The following MED13L variants were observed in gnomAD, a reference collection of about 807,000 sequenced individuals.
MED13L encodes mediator of RNA polymerase II transcription subunit 13-like.
MED13L carries 7 observed loss-of-function variants against 220.9 expected under a neutral mutation model. The observed-to-expected ratio is 0.03, with a 90% confidence interval of 0.02 to 0.06. The LOEUF is 0.06. Among genes scored for constraint, MED13L ranks in the 10% least tolerant of loss-of-function variants. The pLI, the probability that MED13L is intolerant of heterozygous loss-of-function variation, is 1.00. For synonymous variants in MED13L, 1,011 were observed against 1,015.2 expected (o/e 1.00, Z 0.08); for missense variants, 1,965 against 2,760.5 (o/e 0.71, Z 6.46).
intron 13 of MED13L, 23 bp downstream of exon 13, chr12:116,005,846 T>C: frequency 6.2e-7 from 1 of 1,613,534 alleles, no homozygotes; most frequent in African/African-American, 1.3e-5. Flanking sequence ...AAATTTTTGT[T>C]TATGTAGCTA....
At chr12:116,196,890 CAT>C (rs1274986792) in intron 2 of MED13L, among the ~76,000 whole-genome samples, 1 of 152,158 alleles carries the variant, frequency 6.6e-6, no homozygotes, top group African/African-American at 2.4e-5. Context: ...ATTAGACAGA[CAT>C]GTCTTCAAAA....
chr12:115,961,426 G>A (rs377091317), intron 30 of MED13L, 28 bp from the exon 31 acceptor site: 174 of 1,612,546 alleles, frequency 1.1e-4, no homozygotes, highest in Non-Finnish European at 1.3e-4. Context: ...CAGAGCAGGG[G>A]CGTGAGCCTC....
At chr12:116,151,786 G>C (rs891415801) in intron 2 of MED13L, among the ~76,000 whole-genome samples, 1 of 152,102 alleles carries the variant, frequency 6.6e-6, no homozygotes, top group African/African-American at 2.4e-5. Flanking sequence ...AAAGACAGAG[G>C]GGCAAAAGGT....
At chr12:115,969,350 A>C (rs923784684) in intron 27 of MED13L, among the ~76,000 whole-genome samples, 3 of 152,186 alleles carry the variant, frequency 2.0e-5, no homozygotes, top group Admixed American at 2.0e-4. Context: ...ATAACATAAA[A>C]ACCTACACTC....
intron 1 of MED13L, among the ~76,000 whole-genome samples, chr12:116,259,029 T>G (rs1872291604): frequency 2.6e-5 from 4 of 150,954 alleles, no homozygotes; most frequent in African/African-American, 9.8e-5. Context: ...AACTGACACA[T>G]CTTTTTAAAC....
At chr12:116,124,540 A>G (rs1875414767) in intron 2 of MED13L, among the ~76,000 whole-genome samples, 1 of 152,156 alleles carries the variant, frequency 6.6e-6, no homozygotes, top group South Asian at 2.1e-4. Context: ...CTAGATAATA[A>G]TTTGTTTTCC....
intron 1 of MED13L, among the ~76,000 whole-genome samples, chr12:116,272,982 T>C (rs774112205): frequency 1.3e-5 from 2 of 152,136 alleles, no homozygotes; most frequent in Non-Finnish European, 2.9e-5. Flanking sequence ...ACCGAAAACA[T>C]ACATTAACAA....
At chr12:116,009,365 T>C (rs1345299435) in intron 9 of MED13L, among the ~76,000 whole-genome samples, 3 of 152,128 alleles carry the variant, frequency 2.0e-5, no homozygotes, top group Non-Finnish European at 2.9e-5. Flanking sequence ...GTAAGGTACA[T>C]TGCTAATCCC....
chr12:116,274,429 A>AC (rs1873647446), intron 1 of MED13L, among the ~76,000 whole-genome samples: 1 of 151,302 alleles, frequency 6.6e-6, no homozygotes, highest in African/African-American at 2.4e-5. Flanking sequence ...CAAAACAAAA[A>AC]AAAAAAAAAC....
intron 2 of MED13L, among the ~76,000 whole-genome samples, chr12:116,173,850 G>A (rs1388180801): frequency 6.6e-6 from 1 of 152,162 alleles, no homozygotes; most frequent in Non-Finnish European, 1.5e-5. Context: ...TGTTAAATCT[G>A]AGCTTTGGGA....
chr12:116,014,716 T>C (rs576308078), intron 8 of MED13L, among the ~76,000 whole-genome samples: 12 of 152,198 alleles, frequency 7.9e-5, no homozygotes, highest in African/African-American at 2.2e-4. Context: ...CTGTATACAA[T>C]AGTAAATCAG....
chr12:116,176,463 GAA>G (rs1034299173), intron 2 of MED13L, among the ~76,000 whole-genome samples: 1 of 152,024 alleles, frequency 6.6e-6, no homozygotes, highest in Non-Finnish European at 1.5e-5. Flanking sequence ...GAGTAGCAAA[GAA>G]AAAGGGTGAA....
At position 116,096,354 on chromosome 12, in the gene MED13L, C is replaced by CAAAAAAAAAAAA. The variant is rs537207957; in HGVS notation, c.479+303_479+314dup. 6.3e-3 allele frequency among the ~76,000 whole-genome samples: 148 copies of CAAAAAAAAAAAA among 23,558 alleles called. 14 individuals are homozygous for CAAAAAAAAAAAA. Among genetic ancestry groups the CAAAAAAAAAAAA allele is most frequent in the East Asian group, 0.02 (10 of 490 alleles). 15.5% of individuals were successfully genotyped at this position (23,558 alleles called of 152,430 possible). A position where few individuals can be genotyped will look rare whatever the true frequency, so the allele number is the denominator to read the frequency against. On this transcript the variant is annotated intron_variant, in intron 4 of 30. Transcript: ENST00000281928. ...TGGGTGACAGAGTGAGACACAGCCTCAAAAAAAAAAAAAAAAAAAAAAAAA... is the reference window on the plus strand; with the variant it reads ...TGGGTGACAGAGTGAGACACAGCCTCAAAAAAAAAAAAAAAAAAAAAAAAAAAAAAAAAAAAA...
chr12:115,996,666 G>A lies in MED13L; in HGVS notation c.2806C>T (p.His936Tyr). 1 of 1,613,884 alleles carries A rather than the reference G, an allele frequency of 6.2e-7. No homozygotes were observed. ...PEEIKDFSYV[H>Y]KVPSFQPFVG... ...AAAGGTTGAAAGGATGGAACTTTGT[G>A]CACATATGAAAAGTCCTGTGACAAC... The change falls in exon 16 of 31, where the codon CAC becomes TAC. Residue 936 changes from histidine to tyrosine, a missense_variant. Around this residue, in one of 10 missense-constraint regions of MED13L, gnomAD observed 233 missense variants for 306.2 expected, o/e 0.76. Transcript: ENST00000281928.
chr12:116,041,418 A>G (rs1233237718), intron 4 of MED13L, among the ~76,000 whole-genome samples: 1 of 152,214 alleles, frequency 6.6e-6, no homozygotes, highest in Admixed American at 6.5e-5. Flanking sequence ...GTAGTTCTTT[A>G]TAGCAGTGCG....
At position 115,997,010 on chromosome 12, in the gene MED13L, C is replaced by T; in HGVS notation, c.2790G>A (p.Lys930=). The T allele has an allele frequency of 6.2e-7, 1 of 1,611,948 alleles. No individual in the cohort carries two copies. The highest frequency in any genetic ancestry group is 8.5e-7 in the Non-Finnish European group (1 of 1,178,048). The change falls in exon 15 of 31, where the codon AAG becomes AAA. Residue 930 remains lysine (K), a splice_region_variant and synonymous_variant. Transcript: ENST00000281928. ...GAAATGTTAATATATTGACAACTAC[C>T]TTAATTTCCTCGGGCTTGGGACTTC... ...GLGSPKPEEI[K]DFSYVHKVPS...
At chr12:116,072,309 T>C (rs1017780442) in intron 4 of MED13L, among the ~76,000 whole-genome samples, 3 of 152,248 alleles carry the variant, frequency 2.0e-5, no homozygotes, top group Admixed American at 1.3e-4. Context: ...CCTGGTTTTC[T>C]TGATGAACAA....
chr12:116,047,097 C>T (rs1223777293), intron 4 of MED13L, among the ~76,000 whole-genome samples: 1 of 152,198 alleles, frequency 6.6e-6, no homozygotes, highest in Admixed American at 6.5e-5. Flanking sequence ...TGCCTGTAAT[C>T]CCAGCACTTT....
At chr12:116,122,268 G>GA (rs1220364811) in intron 2 of MED13L, among the ~76,000 whole-genome samples, 2 of 152,052 alleles carry the variant, frequency 1.3e-5, no homozygotes, top group Non-Finnish European at 2.9e-5. Flanking sequence ...ACTTACCAAA[G>GA]AAACTCAGTA....
Sources: gnomAD v4.1 joint callset for allele counts (sites outside exome capture counted in the v4.1 genomes callset) on GRCh38, gnomAD v4.1.1 for gene constraint, gnomAD v4.1.1 regional missense constraint, MANE v1.5 for transcripts, NCBI Gene and HGNC (gene_info 2026-07-23, HGNC 2026-07-21) for gene names.